Variants in INTU observed in about 807,000 individuals in gnomAD.
INTU encodes the protein protein inturned.
Under a neutral mutation model 100.5 loss-of-function variants are expected in INTU, and 68 were observed. The observed-to-expected ratio is 0.68, with a 90% CI of 0.56 to 0.83. The LOEUF is 0.83. INTU is among the 40% of genes least tolerant of loss of function. The pLI, the probability that INTU is intolerant of heterozygous loss-of-function variation, is 0.00. For synonymous variants in INTU, 357 were observed against 395.7 expected, an observed-to-expected ratio of 0.90 and a Z score of 1.16; for missense variants, 1,071 against 1,114.7, an observed-to-expected ratio of 0.96 and a Z score of 0.56.
chr4:127,641,160 C>T (rs72616920), intron 1 of INTU, among the ~76,000 whole-genome samples: 4,620 of 152,206 alleles, frequency 0.03, 302 homozygotes, highest in East Asian at 0.26. Flanking sequence ...CCCTGACTAG[C>T]CCTCCTGCCT....
chr4:127,641,723 G>A (rs1044953391), intron 1 of INTU, among the ~76,000 whole-genome samples: 4 of 152,062 alleles, frequency 2.6e-5, no homozygotes, highest in Admixed American at 6.6e-5. Flanking sequence ...AAGCAAGGGC[G>A]GGAACTGACA....
chr4:127,702,732 A>C (rs975889343), intron 9 of INTU, among the ~76,000 whole-genome samples: 8 of 152,166 alleles, frequency 5.3e-5, no homozygotes, highest in Non-Finnish European at 1.0e-4. Flanking sequence ...TTAGTTTTTA[A>C]AAAATATTAT....
At chr4:127,693,119 G>T (rs1299574169) in intron 8 of INTU, among the ~76,000 whole-genome samples, 1 of 152,140 alleles carries the variant, frequency 6.6e-6, no homozygotes, top group African/African-American at 2.4e-5. Flanking sequence ...TGTGAAGAAT[G>T]ATGGTGGTAT....
chr4:127,693,555 G>A (rs1455858096), intron 8 of INTU, among the ~76,000 whole-genome samples: 1 of 151,972 alleles, frequency 6.6e-6, no homozygotes. Flanking sequence ...TTATTTGGAT[G>A]CCCTTTATTT....
intron 1 of INTU, among the ~76,000 whole-genome samples, chr4:127,633,394 T>G (rs1726926187): frequency 6.6e-6 from 1 of 152,074 alleles, no homozygotes; most frequent in African/African-American, 2.4e-5. Flanking sequence ...TTTTTGTTTG[T>G]TTTGTTTTGT....
In INTU at chr4:127,704,100, C is replaced by A. The variant is rs1294592113; in HGVS notation, c.1504-128C>A. ...TCCTAATATTCTGGTATATTGATTT[C>A]TAAAGATGGCACTATGAAAAGTTTA... On this transcript the variant is annotated intron_variant, in intron 9 of 15. Transcript: ENST00000335251. 6 of 682,172 alleles carry A rather than the reference C, an allele frequency of 8.8e-6. No individual in the cohort carries two copies. The East Asian group carries it at 1.1e-4, about 12-fold the overall frequency. The allele number at this position is 682,172 out of a possible 1,614,324, so 42.3% of individuals were successfully genotyped here.
chr4:127,651,083 A>C (rs1231426173), intron 2 of INTU, among the ~76,000 whole-genome samples: 1 of 151,604 alleles, frequency 6.6e-6, no homozygotes, highest in East Asian at 1.9e-4. Flanking sequence ...TTTTCTTGTA[A>C]ATTTGTTTGA....
intron 4 of INTU, among the ~76,000 whole-genome samples, chr4:127,668,080 C>A (rs1214318100): frequency 6.6e-6 from 1 of 151,972 alleles, no homozygotes; most frequent in African/African-American, 2.4e-5. Flanking sequence ...TTAAACAGGG[C>A]AACTGGAAGC....
At chr4:127,701,541 G>T (rs962194202) in intron 9 of INTU, among the ~76,000 whole-genome samples, 1 of 152,112 alleles carries the variant, frequency 6.6e-6, no homozygotes, top group Non-Finnish European at 1.5e-5. Context: ...ATGATTATAT[G>T]TATTTTAAGA....
At chr4:127,688,926 A>G (rs536236151) in intron 8 of INTU, among the ~76,000 whole-genome samples, 9 of 118,404 alleles carry the variant, frequency 7.6e-5, no homozygotes, top group African/African-American at 3.1e-4. Flanking sequence ...TTTCAGGACA[A>G]TAATTACCCT....
At chr4:127,707,598 A>G (rs968653836) in intron 12 of INTU, among the ~76,000 whole-genome samples, 6 of 151,904 alleles carry the variant, frequency 3.9e-5, no homozygotes, top group African/African-American at 1.5e-4. Flanking sequence ...CCAATGAAAT[A>G]TTCAGCAAAG....
intron 1 of INTU, among the ~76,000 whole-genome samples, chr4:127,642,025 TA>T (rs199665893): frequency 2.1e-4 from 31 of 149,140 alleles, no homozygotes; most frequent in Middle Eastern, 3.4e-3. Context: ...TATATATATA[TA>T]TTTTTTAAAT....
At chr4:127,655,915 T>G (rs1330707995) in intron 2 of INTU, among the ~76,000 whole-genome samples, 1 of 152,212 alleles carries the variant, frequency 6.6e-6, no homozygotes, top group Middle Eastern at 3.2e-3. Context: ...GTGCGGGATA[T>G]AATCTCGTGG....
At chr4:127,674,317 T>C in intron 6 of INTU, 104 bp downstream of exon 6, 1 of 861,122 alleles carries the variant, frequency 1.2e-6, no homozygotes, top group East Asian at 2.6e-5. Context: ...CCTTGAACAG[T>C]TTTACAGTTT....
intron 15 of INTU, among the ~76,000 whole-genome samples, chr4:127,715,339 C>T (rs1731230317): frequency 6.6e-6 from 1 of 152,090 alleles, no homozygotes; most frequent in Non-Finnish European, 1.5e-5. Flanking sequence ...GGGTAGTGGA[C>T]ACATACCATG....
At position 127,700,065 on chromosome 4, in the gene INTU, T is replaced by A; in HGVS notation, c.1503+2T>A. 6.9e-6 allele frequency: 11 copies of A among 1,602,776 alleles called. No homozygotes were observed. The highest frequency in any genetic ancestry group is 9.4e-6 in the Non-Finnish European group (11 of 1,173,266). On this transcript the variant is annotated splice_donor_variant, in intron 9 of 15. Coordinates refer to ENST00000335251, the MANE Select transcript of INTU (RefSeq NM_015693.4). LOFTEE classifies it high-confidence loss of function. Reference sequence around the variant, plus strand: ...GAGGCTGCAGATTTTGCAGAACTGGTAAGGGAAGGAGTGGATTTTATAAAA... The same window carrying A: ...GAGGCTGCAGATTTTGCAGAACTGGAAAGGGAAGGAGTGGATTTTATAAAA...
chr4:127,650,249 T>C (rs1727782577), intron 2 of INTU, among the ~76,000 whole-genome samples: 1 of 152,120 alleles, frequency 6.6e-6, no homozygotes, highest in Non-Finnish European at 1.5e-5. Context: ...ATACTTTAAG[T>C]TTTAGGGTAC....
intron 8 of INTU, chr4:127,699,404 T>TGGG (rs1730544148): frequency 6.6e-6 from 1 of 152,068 alleles, no homozygotes; most frequent in East Asian, 1.9e-4. Context: ...AATAACTCTG[T>TGGG]GGGGTAGTTG....
At chr4:127,666,220 T>C (rs1366861636) in intron 4 of INTU, among the ~76,000 whole-genome samples, 2 of 152,182 alleles carry the variant, frequency 1.3e-5, no homozygotes, top group Non-Finnish European at 2.9e-5. Context: ...CTCTTGTTGC[T>C]TGCTCATCTT....
Sources: gnomAD v4.1 joint callset for allele counts (sites outside exome capture counted in the v4.1 genomes callset) on GRCh38, gnomAD v4.1.1 for gene constraint, MANE v1.5 for transcripts, NCBI Gene and HGNC (gene_info 2026-07-23, HGNC 2026-07-21) for gene names.